Variants in VPS41 observed in about 807,000 individuals in gnomAD.
The protein encoded by VPS41 is VPS41 subunit of HOPS complex, also known as vacuolar protein sorting-associated protein 41 homolog.
A neutral mutation model predicts 130.9 loss-of-function variants in VPS41; 85 were observed. That is an observed-to-expected ratio of 0.65 (90% confidence interval 0.55 to 0.78). The LOEUF (loss-of-function observed/expected upper bound fraction) is 0.78. Among genes scored for constraint, VPS41 ranks in the 30% least tolerant of loss-of-function variants. The probability of loss-of-function intolerance (pLI) is 0.00; values close to 1 mark genes in which losing one functional copy is unlikely to be tolerated. For synonymous variants in VPS41, 335 were observed against 332.9 expected (o/e 1.01, Z -0.07); for missense variants, 874 against 1,018.7 (o/e 0.86, Z 1.93).
At chr7:38,791,013 A>G (rs903047820) in intron 9 of VPS41, among the ~76,000 whole-genome samples, 4 of 152,226 alleles carry the variant, frequency 2.6e-5, no homozygotes, top group Non-Finnish European at 5.9e-5. Flanking sequence ...GCTGCCCAGC[A>G]ACACTGCAGC....
At chr7:38,876,573 A>T (rs1403746614) in intron 2 of VPS41, among the ~76,000 whole-genome samples, 1 of 152,334 alleles carries the variant, frequency 6.6e-6, no homozygotes, top group South Asian at 2.1e-4. Context: ...ATATTTTCTA[A>T]ATTTTCTAAA....
At chr7:38,846,000 C>T (rs1424580926) in intron 4 of VPS41, among the ~76,000 whole-genome samples, 2 of 151,978 alleles carry the variant, frequency 1.3e-5, no homozygotes, top group Non-Finnish European at 1.5e-5. Context: ...AACAAAGATA[C>T]AAAAGAAAGA....
intron 4 of VPS41, among the ~76,000 whole-genome samples, chr7:38,846,742 T>C (rs75082091): frequency 6.6e-6 from 1 of 152,064 alleles, no homozygotes; most frequent in Non-Finnish European, 1.5e-5. Context: ...CCAGGTGAGA[T>C]TCAATAAAGA....
chr7:38,839,907 A>G (rs1038140015), intron 4 of VPS41, among the ~76,000 whole-genome samples: 2 of 152,236 alleles, frequency 1.3e-5, no homozygotes, highest in Non-Finnish European at 2.9e-5. Context: ...CTCTCTTGAA[A>G]GTCTCACAAT....
At chr7:38,771,697 A>G (rs1176615283) in intron 13 of VPS41, among the ~76,000 whole-genome samples, 2 of 152,220 alleles carry the variant, frequency 1.3e-5, no homozygotes, top group Non-Finnish European at 2.9e-5. Flanking sequence ...ACGCATGTTT[A>G]TGTATATCTA....
intron 17 of VPS41, among the ~76,000 whole-genome samples, chr7:38,761,229 C>T (rs1429617624): frequency 6.9e-6 from 1 of 145,342 alleles, no homozygotes; most frequent in African/African-American, 2.5e-5. Flanking sequence ...CTCTCTCTCC[C>T]TCTTTCTTTG....
At chr7:38,772,658 G>C in intron 12 of VPS41, 21 bp from the exon 13 acceptor site, 1 of 1,549,574 alleles carries the variant, frequency 6.5e-7, no homozygotes. Flanking sequence ...GAAAAGAGAG[G>C]AACGACTTGG....
chr7:38,806,020 C>A (rs1784833370), intron 7 of VPS41, among the ~76,000 whole-genome samples: 1 of 152,028 alleles, frequency 6.6e-6, no homozygotes, highest in Non-Finnish European at 1.5e-5. Context: ...AGACAAATCA[C>A]AAAGGAAGCT....
At chr7:38,786,495 G>A (rs531409028) in intron 10 of VPS41, among the ~76,000 whole-genome samples, 16 of 152,232 alleles carry the variant, frequency 1.1e-4, no homozygotes, top group African/African-American at 2.6e-4. Flanking sequence ...ACTACTGAGC[G>A]GGGAAAGAGT....
At chr7:38,853,144 G>T (rs771598680) in intron 4 of VPS41, among the ~76,000 whole-genome samples, 7 of 152,136 alleles carry the variant, frequency 4.6e-5, no homozygotes, top group Non-Finnish European at 1.0e-4. Context: ...ATGTGGCCGG[G>T]TGCGGTGGCT....
At chr7:38,861,231 A>G (rs991158230) in intron 4 of VPS41, among the ~76,000 whole-genome samples, 4 of 152,334 alleles carry the variant, frequency 2.6e-5, no homozygotes, top group Admixed American at 6.5e-5. Context: ...TTTCTATTCA[A>G]TATCAAAAAG....
intron 18 of VPS41, 126 bp from the exon 19 acceptor site, chr7:38,757,108 CA>C: frequency 5.5e-6 from 4 of 723,492 alleles, no homozygotes; most frequent in East Asian, 2.9e-5. Flanking sequence ...AACTTTATTT[CA>C]AAAAATATTC....
chr7:38,751,212 G>A (rs909518628), intron 22 of VPS41, among the ~76,000 whole-genome samples: 4 of 152,144 alleles, frequency 2.6e-5, no homozygotes, highest in Non-Finnish European at 5.9e-5. Context: ...AAGCATACAC[G>A]GAAGTTGTAA....
At chr7:38,774,937 T>G (rs1170717370) in intron 11 of VPS41, among the ~76,000 whole-genome samples, 1 of 152,078 alleles carries the variant, frequency 6.6e-6, no homozygotes, top group Admixed American at 6.6e-5. Flanking sequence ...ACACAACCAC[T>G]AAACACAATG....
At chr7:38,802,828 C>T (rs894957464) in intron 7 of VPS41, among the ~76,000 whole-genome samples, 9 of 152,126 alleles carry the variant, frequency 5.9e-5, no homozygotes, top group South Asian at 2.1e-4. Context: ...AAAAAAACTA[C>T]GCTTAAAAGC....
At chr7:38,785,811 CA>C (rs1419046190) in intron 10 of VPS41, among the ~76,000 whole-genome samples, 1 of 152,084 alleles carries the variant, frequency 6.6e-6, no homozygotes, top group Non-Finnish European at 1.5e-5. Context: ...TCCTTAGAAA[CA>C]ATTCCAAAGG....
intron 7 of VPS41, among the ~76,000 whole-genome samples, chr7:38,805,456 C>T (rs2116036931): frequency 6.6e-6 from 1 of 152,080 alleles, no homozygotes; most frequent in South Asian, 2.1e-4. Flanking sequence ...TCACTTGAAC[C>T]TGGGAAGCAG....
chr7:38,796,159 C>T (rs1404555209), intron 8 of VPS41, among the ~76,000 whole-genome samples: 1 of 152,114 alleles, frequency 6.6e-6, no homozygotes, highest in African/African-American at 2.4e-5. Flanking sequence ...AGATTTCTAC[C>T]ATTTAAAACT....
chr7:38,807,377 G>T (rs1784860145), intron 7 of VPS41, among the ~76,000 whole-genome samples: 1 of 152,094 alleles, frequency 6.6e-6, no homozygotes, highest in Non-Finnish European at 1.5e-5. Flanking sequence ...AACTGAGTTA[G>T]AAAATTAAAA....
Sources: allele counts gnomAD v4.1 joint callset (sites outside exome capture counted in the v4.1 genomes callset), GRCh38; gene constraint gnomAD v4.1.1; transcripts MANE v1.5; gene names NCBI Gene and HGNC (gene_info 2026-07-23, HGNC 2026-07-21).